Variants in FTCDNL1 observed in about 807,000 individuals in gnomAD.
FTCDNL1 encodes the protein formiminotransferase N-terminal subdomain-containing protein.
Under a neutral mutation model 5.9 loss-of-function variants are expected in FTCDNL1, and 11 were observed. That is an observed-to-expected ratio of 1.87 (90% CI 1.18 to 3.10). The LOEUF (loss-of-function observed/expected upper bound fraction) is 3.10. Among genes scored for constraint, FTCDNL1 ranks in the 30% most tolerant of loss-of-function variants. FTCDNL1 has a pLI of 0.00. For synonymous variants in FTCDNL1, 58 were observed against 24.8 expected, an observed-to-expected ratio of 2.34 and a Z score of -3.99; for missense variants, 115 against 65.5, an observed-to-expected ratio of 1.76 and a Z score of -2.61.
At chr2:199,777,441 T>C (rs1699148964) in intron 3 of FTCDNL1, among the ~76,000 whole-genome samples, 1 of 152,198 alleles carries the variant, frequency 6.6e-6, no homozygotes, top group African/African-American at 2.4e-5. Flanking sequence ...AGTGGTTTGT[T>C]AGCAGAATTT....
the FTCDNL1 span, among the ~76,000 whole-genome samples, chr2:199,665,502 G>A: frequency 6.6e-6 from 1 of 151,916 alleles, no homozygotes; most frequent in East Asian, 1.9e-4. Context: ...GGGTGGTGGT[G>A]CACACTTGTA....
At chr2:199,817,265 G>A (rs536847389) in intron 4 of FTCDNL1, among the ~76,000 whole-genome samples, 1 of 151,926 alleles carries the variant, frequency 6.6e-6, no homozygotes, top group African/African-American at 2.4e-5. Context: ...AGAGCTCTTC[G>A]CACATATCAC....
chr2:199,720,392 A>G, the FTCDNL1 span, among the ~76,000 whole-genome samples: 1 of 152,212 alleles, frequency 6.6e-6, no homozygotes, highest in African/African-American at 2.4e-5. Context: ...TACTATCTGT[A>G]TTAGTTTCCT....
chr2:199,723,158 T>C, the FTCDNL1 span, among the ~76,000 whole-genome samples: 1 of 152,098 alleles, frequency 6.6e-6, no homozygotes, highest in Admixed American at 6.6e-5. Flanking sequence ...CCCCTCTCTG[T>C]GTCCATGTGT....
the FTCDNL1 span, among the ~76,000 whole-genome samples, chr2:199,707,232 G>T: frequency 6.6e-6 from 1 of 152,172 alleles, no homozygotes; most frequent in African/African-American, 2.4e-5. Flanking sequence ...TTTTCTGAAA[G>T]AATTTATATG....
chr2:199,678,371 C>T, the FTCDNL1 span, among the ~76,000 whole-genome samples: 2 of 152,042 alleles, frequency 1.3e-5, no homozygotes, highest in African/African-American at 4.8e-5. Context: ...TGGGCACATG[C>T]CATAACCATG....
At chr2:199,758,880 G>A (rs913571435), downstream of FTCDNL1, among the ~76,000 whole-genome samples, 1 of 152,162 alleles carries the variant, frequency 6.6e-6, no homozygotes, top group African/African-American at 2.4e-5. Context: ...TTGTACTGGA[G>A]GGAAAATGAA....
At chr2:199,844,856 CTTA>C (rs1423783824) in intron 3 of FTCDNL1, among the ~76,000 whole-genome samples, 1 of 151,840 alleles carries the variant, frequency 6.6e-6, no homozygotes, top group Non-Finnish European at 1.5e-5. Flanking sequence ...AATCAAATTC[CTTA>C]TTTTCAGAAT....
At chr2:199,691,408 G>C in the FTCDNL1 span, among the ~76,000 whole-genome samples, 1 of 152,040 alleles carries the variant, frequency 6.6e-6, no homozygotes, top group African/African-American at 2.4e-5. Flanking sequence ...ACCGACCTCA[G>C]GTAATCTGCC....
At chr2:199,777,361 C>T (rs1191263684) in intron 3 of FTCDNL1, among the ~76,000 whole-genome samples, 1 of 152,004 alleles carries the variant, frequency 6.6e-6, no homozygotes, top group African/African-American at 2.4e-5. Flanking sequence ...GCTAGAAAAT[C>T]CAAACTCTGC....
At chr2:199,771,469 T>C (rs973810228) in intron 3 of FTCDNL1, among the ~76,000 whole-genome samples, 1 of 152,196 alleles carries the variant, frequency 6.6e-6, no homozygotes, top group East Asian at 1.9e-4. Context: ...CCATAAAAAA[T>C]AGTTCTTTGA....
At chr2:199,775,566 T>C (rs1234482052) in intron 3 of FTCDNL1, among the ~76,000 whole-genome samples, 1 of 152,220 alleles carries the variant, frequency 6.6e-6, no homozygotes, top group Non-Finnish European at 1.5e-5. Context: ...GGCTTAGATC[T>C]GAGTCAGTGA....
At chr2:199,725,991 G>C in the FTCDNL1 span, among the ~76,000 whole-genome samples, 1 of 151,976 alleles carries the variant, frequency 6.6e-6, no homozygotes, top group Non-Finnish European at 1.5e-5. Flanking sequence ...TTCCAACTTG[G>C]TTCCATTCTC....
the FTCDNL1 span, among the ~76,000 whole-genome samples, chr2:199,716,934 A>G: frequency 6.6e-6 from 1 of 152,096 alleles, no homozygotes; most frequent in East Asian, 1.9e-4. Flanking sequence ...AGGGCTTGGC[A>G]AAGTTCTGAC....
chr2:199,666,683 G>A, the FTCDNL1 span, among the ~76,000 whole-genome samples: 15 of 152,144 alleles, frequency 9.9e-5, no homozygotes, highest in South Asian at 1.9e-3. Context: ...TTGGGAGGCC[G>A]AGGTGGGCAG....
At chr2:199,799,360 CTCGACT>C (rs1700329328) in intron 3 of FTCDNL1, among the ~76,000 whole-genome samples, 1 of 152,198 alleles carries the variant, frequency 6.6e-6, no homozygotes, top group Non-Finnish European at 1.5e-5. Context: ...CACACTGCCA[CTCGACT>C]GACACCAAAC....
the FTCDNL1 span, among the ~76,000 whole-genome samples, chr2:199,681,226 G>A: frequency 6.6e-6 from 1 of 152,072 alleles, no homozygotes; most frequent in South Asian, 2.1e-4. Flanking sequence ...GGCTGAGGCA[G>A]GTGGATCACC....
the FTCDNL1 span, among the ~76,000 whole-genome samples, chr2:199,680,699 C>G: frequency 6.6e-6 from 1 of 152,192 alleles, no homozygotes. Context: ...ATCAGACACT[C>G]GCATGGTTTC....
intron 3 of FTCDNL1, among the ~76,000 whole-genome samples, chr2:199,766,825 A>C (rs1698560813): frequency 6.6e-6 from 1 of 152,104 alleles, no homozygotes; most frequent in Non-Finnish European, 1.5e-5. Context: ...AAAATCCCTA[A>C]AGAATTTTCA....
Sources: gnomAD v4.1 joint callset for allele counts (sites outside exome capture counted in the v4.1 genomes callset) on GRCh38, gnomAD v4.1.1 for gene constraint, MANE v1.5 for transcripts, NCBI Gene and HGNC (gene_info 2026-07-23, HGNC 2026-07-21) for gene names.